XXYLT1: variants seen among roughly 807,000 people sequenced by gnomAD.
XXYLT1 encodes the protein UDP-xylose:alpha-xyloside alpha-1,3-xylosyltransferase.
A neutral mutation model predicts 28.9 loss-of-function variants in XXYLT1; 20 were observed. The observed-to-expected ratio is 0.69, with a 90% CI of 0.49 to 1.00. The LOEUF (loss-of-function observed/expected upper bound fraction) is 1.00. XXYLT1 is among the 50% of genes least tolerant of loss of function. XXYLT1 has a pLI of 0.00. For synonymous variants in XXYLT1, 257 were observed against 253.8 expected (o/e 1.01, Z -0.12); for missense variants, 542 against 560.1 (o/e 0.97, Z 0.33).
chr3:195,270,342 C>G (rs971389493), intron 1 of XXYLT1: 2 of 1,153,452 alleles, frequency 1.7e-6, no homozygotes, highest in Non-Finnish European at 2.3e-6. Context: ...ATTAAAAACG[C>G]AGCTCCACTC....
intron 3 of XXYLT1, among the ~76,000 whole-genome samples, chr3:195,106,833 C>A (rs553823507): frequency 6.6e-6 from 1 of 152,340 alleles, no homozygotes; most frequent in South Asian, 2.1e-4. Flanking sequence ...CAGAATGGAA[C>A]CCTGGGCACT....
intron 2 of XXYLT1, among the ~76,000 whole-genome samples, chr3:195,178,674 C>T (rs1006211047): frequency 5.3e-5 from 8 of 152,194 alleles, no homozygotes; most frequent in Non-Finnish European, 1.0e-4. Context: ...CTCTGAAGCA[C>T]GGTCTTCACA....
intron 2 of XXYLT1, among the ~76,000 whole-genome samples, chr3:195,175,328 G>A (rs913495351): frequency 4.6e-5 from 7 of 152,342 alleles, no homozygotes; most frequent in Admixed American, 1.3e-4. Flanking sequence ...CCAGCCCGGC[G>A]GACAGAAGCA....
At chr3:195,104,957 C>T (rs570669864) in intron 3 of XXYLT1, among the ~76,000 whole-genome samples, 5 of 152,290 alleles carry the variant, frequency 3.3e-5, no homozygotes, top group South Asian at 2.1e-4. Flanking sequence ...ATGGTCAAAA[C>T]GCAGCTTTGG....
chr3:195,086,953 C>T (rs1032231990), intron 3 of XXYLT1, among the ~76,000 whole-genome samples: 7 of 152,134 alleles, frequency 4.6e-5, no homozygotes, highest in South Asian at 2.1e-4. Context: ...GGCCCCTCCC[C>T]GATACCTCCC....
At chr3:195,242,647 G>A (rs531592110) in intron 1 of XXYLT1, among the ~76,000 whole-genome samples, 20 of 152,308 alleles carry the variant, frequency 1.3e-4, no homozygotes, top group African/African-American at 3.9e-4. Flanking sequence ...GGAGGCTGGA[G>A]GAGGTGGGGT....
chr3:195,261,154 C>G (rs1003044421), intron 1 of XXYLT1, among the ~76,000 whole-genome samples: 1 of 152,240 alleles, frequency 6.6e-6, no homozygotes, highest in Non-Finnish European at 1.5e-5. Flanking sequence ...CTGAACAGGC[C>G]GGGCGCGGTG....
At position 195,150,903 on chromosome 3, in the gene XXYLT1, A is replaced by G. The variant is rs1201738015; in HGVS notation, c.785+5546T>C. On this transcript the variant is annotated intron_variant, in intron 3 of 3. Transcript: ENST00000310380. This position sits in a 1 kb window ranked among gnomAD's most constrained non-coding sequence, Gnocchi z 4.7. Reference sequence around the variant, plus strand: ...TCTCCCTCTCCCTCTCTCTCTCTCCATCACTCCAGGGTCAGCAGGAGCCCT... The same window carrying G: ...TCTCCCTCTCCCTCTCTCTCTCTCCGTCACTCCAGGGTCAGCAGGAGCCCT... 6.9e-6 allele frequency among the ~76,000 whole-genome samples: 1 copy of G among 144,570 alleles called. No individual in the cohort carries two copies. Among genetic ancestry groups the G allele is most frequent in the Admixed American group, 6.8e-5 (1 of 14,756 alleles). 94.8% of individuals were successfully genotyped at this position (144,570 alleles called of 152,430 possible). A position where few individuals can be genotyped will look rare whatever the true frequency, so the allele number is the denominator to read the frequency against.
chr3:195,116,806 T>C (rs920075931), intron 3 of XXYLT1, among the ~76,000 whole-genome samples: 1 of 152,218 alleles, frequency 6.6e-6, no homozygotes, highest in Non-Finnish European at 1.5e-5. Flanking sequence ...CAGAAAGCCT[T>C]GTTCTCCTTT....
At chr3:195,165,047 T>C (rs562013233) in intron 2 of XXYLT1, among the ~76,000 whole-genome samples, 10 of 152,176 alleles carry the variant, frequency 6.6e-5, no homozygotes, top group Non-Finnish European at 1.5e-4. Flanking sequence ...CCCGCCTTCC[T>C]GTGTACACAT....
chr3:195,259,680 G>A (rs1725610805), intron 1 of XXYLT1: 1 of 984,528 alleles, frequency 1.0e-6, no homozygotes, highest in Non-Finnish European at 1.2e-6. Flanking sequence ...CCGGGCTCCA[G>A]GCCAGCGCCA....
At chr3:195,132,359 C>T (rs1234839363) in intron 3 of XXYLT1, among the ~76,000 whole-genome samples, 3 of 151,898 alleles carry the variant, frequency 2.0e-5, no homozygotes, top group Admixed American at 6.6e-5. Context: ...CCCGACTACT[C>T]GGGAGGCTGA....
At chr3:195,114,308 A>G (rs903308) in intron 3 of XXYLT1, among the ~76,000 whole-genome samples, 138,072 of 152,058 alleles carry the variant, frequency 0.91, 62,759 homozygotes, top group African/African-American at 0.95. Context: ...CAGCCACACC[A>G]TTGCACCCAA....
intron 3 of XXYLT1, among the ~76,000 whole-genome samples, chr3:195,096,548 G>A (rs1716458865): frequency 6.6e-6 from 1 of 152,138 alleles, no homozygotes; most frequent in African/African-American, 2.4e-5. Flanking sequence ...TCGGCCTTCG[G>A]GAAAATGGAG....
At position 195,075,933 on chromosome 3, in the gene XXYLT1, G is replaced by A. The variant is rs1715087975; in HGVS notation, c.786-5822C>T. 4.6e-5 allele frequency among the ~76,000 whole-genome samples: 7 copies of A among 152,188 alleles called. 1 individual carries two copies. In the South Asian group the frequency reaches 1.5e-3, roughly 32 times the overall value. On this transcript the variant is annotated intron_variant, in intron 3 of 3. Coordinates refer to ENST00000310380, the MANE Select transcript of XXYLT1 (RefSeq NM_152531.5). The stretch of plus-strand genomic sequence containing the variant: ...AGTGCTGCAACCAGGCTGCCTGGCA[G>A]GACAGGAGAGGACTGCTGGGGCACC...
At chr3:195,201,402 G>T (rs1436769334) in intron 2 of XXYLT1, among the ~76,000 whole-genome samples, 1 of 152,160 alleles carries the variant, frequency 6.6e-6, no homozygotes, top group Non-Finnish European at 1.5e-5. Context: ...TGTCTCTGGG[G>T]GTCCATCTCA....
chr3:195,174,830 T>A (rs1721582419), intron 2 of XXYLT1, among the ~76,000 whole-genome samples: 1 of 151,798 alleles, frequency 6.6e-6, no homozygotes, highest in Non-Finnish European at 1.5e-5. Flanking sequence ...TTGCCTGAGC[T>A]GGTCTCGGAC....
In XXYLT1 at chr3:195,077,244, G is replaced by A. The variant is rs550166713; in HGVS notation, c.786-7133C>T. ...AGGGATGGGAGATGATGTAGGGGGC[G>A]GCACGGGGACCCCAGCAGAGAGATG... On this transcript the variant is annotated intron_variant, in intron 3 of 3. Transcript: ENST00000310380. The surrounding 1 kb of genome is among the most constrained non-coding windows in gnomAD (Gnocchi z 4.8). 2.6e-5 allele frequency among the ~76,000 whole-genome samples: 4 copies of A among 152,254 alleles called. No individual in the cohort carries two copies. In the East Asian group the frequency reaches 5.8e-4, roughly 22 times the overall value.
In XXYLT1 at chr3:195,176,695, T is replaced by C. The variant is rs112498811; in HGVS notation, c.653-20114A>G. On this transcript the variant is annotated intron_variant, in intron 2 of 3. Coordinates refer to ENST00000310380, the MANE Select transcript of XXYLT1 (RefSeq NM_152531.5). The surrounding 1 kb of genome is among the most constrained non-coding windows in gnomAD (Gnocchi z 4.9). ...AGTAATCTGTATCCCACACCACAGC[T>C]GGCACTCCCTTACGCTTACCTAAGG... Among the ~76,000 whole-genome samples the C allele has an allele frequency of 0.019, 2,867 of 152,292 alleles. 93 individuals are homozygous for C. The highest frequency in any genetic ancestry group is 0.066 in the African/African-American group (2,735 of 41,542).
Sources: allele counts gnomAD v4.1 joint callset (sites outside exome capture counted in the v4.1 genomes callset), GRCh38; gene constraint gnomAD v4.1.1; non-coding constraint Gnocchi (gnomAD v3.1); transcripts MANE v1.5; gene names NCBI Gene and HGNC (gene_info 2026-07-23, HGNC 2026-07-21).